The following GTF3C1 variants were observed in gnomAD, a reference collection of about 807,000 sequenced individuals.
GTF3C1 encodes the protein general transcription factor 3C polypeptide 1.
In GTF3C1, 57 loss-of-function variants were observed where a neutral mutation model predicts 226.7. The observed-to-expected ratio is 0.25, with a 90% CI of 0.20 to 0.31. The LOEUF is 0.31. GTF3C1 is among the 10% of genes least tolerant of loss of function. The pLI is 1.00. For synonymous variants in GTF3C1, 1,090 were observed against 1,084.8 expected, an observed-to-expected ratio of 1.00 and a Z score of -0.09; for missense variants, 2,217 against 2,776.1, an observed-to-expected ratio of 0.80 and a Z score of 4.53.
At chr16:27,522,770 C>A (rs774012558) in intron 6 of GTF3C1, among the ~76,000 whole-genome samples, 2 of 152,208 alleles carry the variant, frequency 1.3e-5, no homozygotes, top group Non-Finnish European at 2.9e-5. Flanking sequence ...TCTTAACTTT[C>A]AGCAACATTT....
In GTF3C1 at chr16:27,533,315, C is replaced by T. The variant is rs1342565183; in HGVS notation, c.825G>A (p.Thr275=). 1.3e-5 allele frequency: 20 copies of T among 1,599,554 alleles called. No individual in the cohort carries two copies. Among genetic ancestry groups the T allele is most frequent in the Admixed American group, 5.0e-5 (3 of 59,998 alleles). Residue 275 remains threonine, a synonymous_variant, in exon 5 of 37, where the codon ACG becomes ACA. Transcript: ENST00000356183. ...CCAGCTCTTCCCTCAGCTTTCCCAG[C>T]GTCTCTATGTGGTTAGTCCGTGTGC... is the stretch of plus-strand genomic sequence containing the variant. The part of the protein sequence containing the change: ...MLSTRTNHIE[T]LGKLREELGL...
intron 4 of GTF3C1, 108 bp downstream of exon 4, chr16:27,537,676 A>G (rs1203006209): frequency 4.0e-6 from 3 of 746,016 alleles, no homozygotes; most frequent in African/African-American, 1.8e-5. Context: ...CCAAAGGGCT[A>G]TGATTACAGG....
At chr16:27,496,178 T>C (rs1430644883) in intron 14 of GTF3C1, among the ~76,000 whole-genome samples, 1 of 152,168 alleles carries the variant, frequency 6.6e-6, no homozygotes, top group Non-Finnish European at 1.5e-5. Context: ...CCTTCTGTCA[T>C]GGCTGGAAGC....
At chr16:27,538,576 G>A (rs1416975262) in intron 2 of GTF3C1, among the ~76,000 whole-genome samples, 1 of 152,218 alleles carries the variant, frequency 6.6e-6, no homozygotes, top group African/African-American at 2.4e-5. Context: ...AAGGAACAGA[G>A]CCAATCTTAT....
rs555991880 is a variant in GTF3C1 at position 27,494,604 on chromosome 16, T to C, written c.2778+159A>G. On this transcript the variant is annotated intron_variant, in intron 16 of 36. Coordinates refer to ENST00000356183, the MANE Select transcript of GTF3C1 (RefSeq NM_001520.4). ...CTATCTCGAACAAATCCTTAAAATA[T>C]TTTCCCTTGAATGAGCATCTGCCTA... 2.0e-5 allele frequency among the ~76,000 whole-genome samples: 3 copies of C among 152,218 alleles called. No homozygotes were observed. The South Asian group carries it at 6.2e-4, about 32-fold the overall frequency.
chr16:27,473,721 C>T lies in GTF3C1; in HGVS notation c.4354-1801G>A, dbSNP rs148206618. On this transcript the variant is annotated intron_variant, in intron 29 of 36. Coordinates refer to ENST00000356183, the MANE Select transcript of GTF3C1 (RefSeq NM_001520.4). ...GGCAGCACCCAGGTGTTCCCTGGAG[C>T]GTATCTGAATGAAGCCTGTGCAACT... is the stretch of plus-strand genomic sequence containing the variant. 7.5e-4 allele frequency among the ~76,000 whole-genome samples: 114 copies of T among 152,290 alleles called. 3 individuals carry two copies. The East Asian group carries it at 0.021, about 28-fold the overall frequency.
chr16:27,539,056 A>G (rs1051289855), intron 2 of GTF3C1, among the ~76,000 whole-genome samples: 3 of 147,590 alleles, frequency 2.0e-5, no homozygotes, highest in Admixed American at 6.8e-5. Flanking sequence ...CCCTCATTCA[A>G]ATATAAGAGC....
Position 27,507,879 on chromosome 16 carries a change from G to A in GTF3C1, c.1242+661C>T, listed in dbSNP as rs1212437868. Among the ~76,000 whole-genome samples the A allele has an allele frequency of 3.3e-5, 5 of 152,262 alleles. No homozygotes were observed. Among genetic ancestry groups the A allele is most frequent in the African/African-American group, 4.8e-5 (2 of 41,464 alleles). On this transcript the variant is annotated intron_variant, in intron 8 of 36. Coordinates refer to ENST00000356183, the MANE Select transcript of GTF3C1 (RefSeq NM_001520.4). The surrounding 1 kb of genome is among the most constrained non-coding windows in gnomAD (Gnocchi z 4.9). ...GCCAGGCAAGTAACATGCATAAGAAGGAGGGCCAAGTGGGGATGGTGGAAC... is the reference window on the plus strand; with the variant it reads ...GCCAGGCAAGTAACATGCATAAGAAAGAGGGCCAAGTGGGGATGGTGGAAC...
At position 27,545,371 on chromosome 16, in the gene GTF3C1, T is replaced by G. The variant is rs756385820; in HGVS notation, c.374A>C (p.Asn125Thr). 8 of 1,614,036 alleles carry G rather than the reference T, an allele frequency of 5.0e-6. No individual in the cohort carries two copies. In the South Asian group the frequency reaches 7.7e-5, roughly 16 times the overall value. Reference protein sequence around the residue: ...RYFKERKNITNDIRTKSLQPR... With the variant: ...RYFKERKNITTDIRTKSLQPR... ...CTGCAAGGACTTGGTTCTGATGTCA[T>G]TGGTAATGTTTTTCCTCTCCTTAAA... The change falls in exon 2 of 37, where the codon AAT (asparagine) becomes ACT (threonine). Residue 125 changes from asparagine (N) to threonine (T), a missense_variant. Around this residue, in one of 12 missense-constraint regions of GTF3C1, gnomAD observed 192 missense variants for 251.8 expected, o/e 0.76. Coordinates refer to ENST00000356183, the MANE Select transcript of GTF3C1 (RefSeq NM_001520.4).
rs1292627827 is a variant in GTF3C1, at chr16:27,492,018, C to T, written c.3151+320G>A. 2.0e-5 allele frequency among the ~76,000 whole-genome samples: 3 copies of T among 152,200 alleles called. No homozygotes were observed. The highest frequency in any genetic ancestry group is 7.2e-5 in the African/African-American group (3 of 41,446). On this transcript the variant is annotated intron_variant, in intron 19 of 36. Transcript: ENST00000356183. This position sits in a 1 kb window ranked among gnomAD's most constrained non-coding sequence, Gnocchi z 5.0. ...TTGAGTCTCACGAAGGCAGGGCGGGCTGTGTTCTCATTGTGGCACTGTCAG... is the reference window on the plus strand; with the variant it reads ...TTGAGTCTCACGAAGGCAGGGCGGGTTGTGTTCTCATTGTGGCACTGTCAG...
intron 7 of GTF3C1, 45 bp from the exon 8 acceptor site, chr16:27,508,700 T>G: frequency 1.4e-6 from 2 of 1,389,290 alleles, no homozygotes; most frequent in Non-Finnish European, 2.0e-6. Flanking sequence ...GCAAAGGAGC[T>G]GTTCTGCACA....
chr16:27,474,346 G>A (rs1310602056), intron 29 of GTF3C1, among the ~76,000 whole-genome samples: 1 of 152,194 alleles, frequency 6.6e-6, no homozygotes, highest in African/African-American at 2.4e-5. Flanking sequence ...TGGAACTGGA[G>A]GAGGAAAAAG....
intron 5 of GTF3C1, among the ~76,000 whole-genome samples, chr16:27,529,028 C>A (rs149426065): frequency 6.6e-6 from 1 of 152,070 alleles, no homozygotes; most frequent in African/African-American, 2.4e-5. Flanking sequence ...CATCTGATAC[C>A]TTTTCATGTT....
chr16:27,531,338 C>T (rs2088914860), intron 5 of GTF3C1, among the ~76,000 whole-genome samples: 1 of 152,214 alleles, frequency 6.6e-6, no homozygotes, highest in Admixed American at 6.5e-5. Flanking sequence ...ACAACTCATG[C>T]CTTTGCACCA....
chr16:27,501,747 G>A (rs1003348858), intron 11 of GTF3C1, among the ~76,000 whole-genome samples: 11 of 152,190 alleles, frequency 7.2e-5, no homozygotes, highest in Non-Finnish European at 1.6e-4. Context: ...TCTTCTCTCT[G>A]GATACATCTT....
chr16:27,481,291 A>G, intron 26 of GTF3C1, 100 bp from the exon 27 acceptor site: 1 of 1,002,118 alleles, frequency 1.0e-6, no homozygotes, highest in Non-Finnish European at 1.6e-6. Context: ...CTCCTGCACC[A>G]GCTAAGTCCG....
In GTF3C1 at chr16:27,469,762, C is replaced by G. The variant is rs867206732; in HGVS notation, c.4815-212G>C. ...ACCGCGCTCACCCCTTGTCACATAGCTGTATCTCTGTGGGGACTGTTCCTT... is the reference window on the plus strand; with the variant it reads ...ACCGCGCTCACCCCTTGTCACATAGGTGTATCTCTGTGGGGACTGTTCCTT... On this transcript the variant is annotated intron_variant, in intron 31 of 36. Transcript: ENST00000356183. The surrounding 1 kb of genome is among the most constrained non-coding windows in gnomAD (Gnocchi z 4.5). Among the ~76,000 whole-genome samples the G allele has an allele frequency of 6.6e-6, 1 of 152,156 alleles. No homozygotes were observed. Among genetic ancestry groups the G allele is most frequent in the Non-Finnish European group, 1.5e-5 (1 of 68,028 alleles).
chr16:27,548,267 ATTATT>A (rs746884794), intron 1 of GTF3C1, among the ~76,000 whole-genome samples: 122 of 151,972 alleles, frequency 8.0e-4, no homozygotes, highest in Non-Finnish European at 1.4e-3. Flanking sequence ...TGTCTCGAAC[ATTATT>A]TTATTTTATT....
At chr16:27,509,977 G>T (rs1357483960) in intron 7 of GTF3C1, among the ~76,000 whole-genome samples, 3 of 151,578 alleles carry the variant, frequency 2.0e-5, no homozygotes, top group African/African-American at 7.3e-5. Context: ...AACCAGGTGT[G>T]GTGGCTCACA....
Sources: allele counts gnomAD v4.1 joint callset (sites outside exome capture counted in the v4.1 genomes callset), GRCh38; gene constraint gnomAD v4.1.1; regional missense constraint gnomAD v4.1.1; non-coding constraint Gnocchi (gnomAD v3.1); transcripts MANE v1.5; gene names NCBI Gene and HGNC (gene_info 2026-07-23, HGNC 2026-07-21).